Variants in SH3PXD2A observed in about 807,000 individuals in gnomAD.
SH3PXD2A encodes SH3 and PX domain-containing protein 2A.
A neutral mutation model predicts 115.2 loss-of-function variants in SH3PXD2A; 32 were observed. The observed-to-expected ratio is 0.28, with a 90% confidence interval of 0.21 to 0.37. SH3PXD2A has a LOEUF of 0.37. Ranked by LOEUF, SH3PXD2A falls within the 10% of genes least tolerant of loss-of-function variation. The pLI, the probability that SH3PXD2A is intolerant of heterozygous loss-of-function variation, is 1.00. For synonymous variants in SH3PXD2A, 610 were observed against 629.1 expected, an observed-to-expected ratio of 0.97 and a Z score of 0.45; for missense variants, 1,328 against 1,498.7, an observed-to-expected ratio of 0.89 and a Z score of 1.88.
chr10:103,660,264 G>T (rs2037273341), intron 8 of SH3PXD2A, among the ~76,000 whole-genome samples: 1 of 152,118 alleles, frequency 6.6e-6, no homozygotes, highest in African/African-American at 2.4e-5. Flanking sequence ...TGACAGGCTT[G>T]GGCTCTCCTC....
At chr10:103,729,534 G>C (rs2038288763) in intron 4 of SH3PXD2A, among the ~76,000 whole-genome samples, 3 of 152,222 alleles carry the variant, frequency 2.0e-5, no homozygotes, top group African/African-American at 7.2e-5. Flanking sequence ...GCTGAAATGA[G>C]TACGACTTTC....
rs2037388610 is a variant in SH3PXD2A, at chr10:103,666,767, G to C, written c.472+1841C>G. ...GGCTTCAAGTCCTATGGAAATCATA[G>C]ATGGTCATTTTAAAGCAAGTGGAGG... is the stretch of plus-strand genomic sequence containing the variant. On this transcript the variant is annotated intron_variant, in intron 7 of 14. Coordinates refer to ENST00000369774, the MANE Select transcript of SH3PXD2A (RefSeq NM_001394015.1). The surrounding 1 kb of genome is among the most constrained non-coding windows in gnomAD (Gnocchi z 4.5). Among the ~76,000 whole-genome samples, 1 of 152,232 alleles carries C rather than the reference G, an allele frequency of 6.6e-6. No homozygotes were observed. Among genetic ancestry groups the C allele is most frequent in the Non-Finnish European group, 1.5e-5 (1 of 68,042 alleles).
chr10:103,663,628 CCT>C (rs1491006521), intron 7 of SH3PXD2A, among the ~76,000 whole-genome samples: 1 of 152,242 alleles, frequency 6.6e-6, no homozygotes, highest in Non-Finnish European at 1.5e-5. Flanking sequence ...GGACATCCCC[CCT>C]GTGTCCCTAT....
intron 5 of SH3PXD2A, among the ~76,000 whole-genome samples, chr10:103,712,363 A>G (rs1291414539): frequency 6.6e-6 from 1 of 152,148 alleles, no homozygotes; most frequent in Non-Finnish European, 1.5e-5. Context: ...TGGGCCATTC[A>G]TGAGAGAGGG....
At chr10:103,728,880 T>TG (rs1401081226) in intron 4 of SH3PXD2A, among the ~76,000 whole-genome samples, 2 of 135,910 alleles carry the variant, frequency 1.5e-5, no homozygotes, top group Non-Finnish European at 1.6e-5. Context: ...AGAGTTGTTT[T>TG]TTTTGTTTGT....
rs1265736101 is a variant in SH3PXD2A at position 103,603,639 on chromosome 10, G to T, written c.1579C>A (p.Pro527Thr). The change falls in exon 15 of 15, where the codon CCC becomes ACC. Residue 527 changes from proline (P) to threonine (T), a missense_variant. Transcript: ENST00000369774. ...LTRPKVPPPAPPSKPKEAEEG... is the reference protein window; with the variant it reads ...LTRPKVPPPATPSKPKEAEEG... ...TCGGCCTCCTTGGGCTTGCTGGGGGGTGCTGGCGGGGGCACCTTGGGCCGG... is the reference window on the plus strand; with the variant it reads ...TCGGCCTCCTTGGGCTTGCTGGGGGTTGCTGGCGGGGGCACCTTGGGCCGG... 3.1e-6 allele frequency: 5 copies of T among 1,604,770 alleles called. No homozygotes were observed. Among genetic ancestry groups the T allele is most frequent in the Non-Finnish European group, 4.3e-6 (5 of 1,175,740 alleles).
rs551837846 is a variant in SH3PXD2A, at chr10:103,600,211, G to T, written c.*1605C>A. On this transcript the variant is annotated 3_prime_UTR_variant, in exon 15 of 15. Transcript: ENST00000369774. The stretch of plus-strand genomic sequence containing the variant: ...GTGTGGAAATCCACTCCCAGCGAAG[G>T]GGGAGTCCTTGGGGGAAGCCGGCTG... 1 of 152,722 alleles carries T rather than the reference G, an allele frequency of 6.5e-6. No homozygotes were observed. Among genetic ancestry groups the T allele is most frequent in the Non-Finnish European group, 1.5e-5 (1 of 68,084 alleles). The allele number at this position is 152,722 out of a possible 1,614,324, so 9.5% of individuals were successfully genotyped here.
intron 1 of SH3PXD2A, among the ~76,000 whole-genome samples, chr10:103,842,207 G>A (rs1054288521): frequency 2.7e-5 from 1 of 36,808 alleles, no homozygotes; most frequent in Admixed American, 3.8e-4. Context: ...TTTTCCCTAC[G>A]CCATTCAACC....
chr10:103,675,292 AT>A (rs2037518628), intron 6 of SH3PXD2A, among the ~76,000 whole-genome samples: 2 of 152,192 alleles, frequency 1.3e-5, no homozygotes, highest in African/African-American at 2.4e-5. Context: ...GAGAGTCTTC[AT>A]TTTCATTTTG....
chr10:103,647,352 C>G (rs1394516841), intron 8 of SH3PXD2A, among the ~76,000 whole-genome samples: 1 of 152,186 alleles, frequency 6.6e-6, no homozygotes, highest in East Asian at 1.9e-4. Flanking sequence ...GGAACCACTT[C>G]TAGAATGGAT....
chr10:103,805,040 G>A (rs115865424), intron 1 of SH3PXD2A, among the ~76,000 whole-genome samples: 98 of 152,336 alleles, frequency 6.4e-4, no homozygotes, highest in African/African-American at 2.3e-3. Flanking sequence ...CCTGGAGAGA[G>A]GGCTGCATTC....
chr10:103,788,135 A>T (rs963768969), intron 2 of SH3PXD2A, among the ~76,000 whole-genome samples: 3 of 152,182 alleles, frequency 2.0e-5, no homozygotes, highest in African/African-American at 7.2e-5. Context: ...AGGCAGCACC[A>T]ACAATCTCAT....
chr10:103,603,651 G>C lies in SH3PXD2A; in HGVS notation c.1567C>G (p.Pro523Ala). The C allele has an allele frequency of 6.2e-7, 1 of 1,604,380 alleles. No individual in the cohort carries two copies. The highest frequency in any genetic ancestry group is 8.5e-7 in the Non-Finnish European group (1 of 1,175,618). The change falls in exon 15 of 15, where the codon CCC becomes GCC. Residue 523 changes from proline to alanine, a missense_variant. Pro to Ala is a conservative substitution (Grantham distance 27). This residue lies in a region of SH3PXD2A where 509 missense variants were observed against 628.3 expected (regional missense o/e 0.81). Transcript: ENST00000369774. ...GGCTTGCTGGGGGGTGCTGGCGGGGGCACCTTGGGCCGGGTCAGCGTGCTT... is the reference window on the plus strand; with the variant it reads ...GGCTTGCTGGGGGGTGCTGGCGGGGCCACCTTGGGCCGGGTCAGCGTGCTT... Reference protein sequence around the residue: ...RTSTLTRPKVPPPAPPSKPKE... With the variant: ...RTSTLTRPKVAPPAPPSKPKE...
In SH3PXD2A at chr10:103,816,028, G is replaced by A. The variant is rs1378212419; in HGVS notation, c.73-14666C>T. Among the ~76,000 whole-genome samples the A allele has an allele frequency of 2.6e-5, 4 of 152,162 alleles. No individual in the cohort carries two copies. The East Asian group carries it at 5.8e-4, about 22-fold the overall frequency. ...GGGAAAATGGCAGATGTTGGTCAAA[G>A]GATACAAATTTCCAGTATGTAGAGT... is the stretch of plus-strand genomic sequence containing the variant. On this transcript the variant is annotated intron_variant, in intron 1 of 14. Coordinates refer to ENST00000369774, the MANE Select transcript of SH3PXD2A (RefSeq NM_001394015.1).
At chr10:103,612,761 G>T in intron 12 of SH3PXD2A, 92 bp downstream of exon 12, 1 of 819,350 alleles carries the variant, frequency 1.2e-6, no homozygotes, top group Non-Finnish European at 1.9e-6. Flanking sequence ...AACGCCATGG[G>T]GGTCCTGTGC....
intron 8 of SH3PXD2A, among the ~76,000 whole-genome samples, chr10:103,656,307 G>A (rs145855689): frequency 1.7e-4 from 26 of 152,340 alleles, no homozygotes; most frequent in African/African-American, 5.5e-4. Context: ...CTGGACACCC[G>A]ATCTAACGTT....
rs140109201 is a variant in SH3PXD2A at position 103,795,617 on chromosome 10, C to T, written c.153+5665G>A. ...AAACTTACTTCTTCAGGAAGCCTGC[C>T]CTGATCCCAGAGTATAAGGTTTCCC... is the stretch of plus-strand genomic sequence containing the variant. On this transcript the variant is annotated intron_variant, in intron 2 of 14. Coordinates refer to ENST00000369774, the MANE Select transcript of SH3PXD2A (RefSeq NM_001394015.1). 9.3e-3 allele frequency among the ~76,000 whole-genome samples: 1,419 copies of T among 152,228 alleles called. 25 individuals are homozygous for T. Among genetic ancestry groups the T allele is most frequent in the African/African-American group, 0.029 (1,189 of 41,532 alleles).
chr10:103,769,152 G>A (rs1344017906), intron 2 of SH3PXD2A, among the ~76,000 whole-genome samples: 1 of 95,954 alleles, frequency 1.0e-5, no homozygotes, highest in East Asian at 2.5e-4. Context: ...GTGTGTGTGT[G>A]TGTGTGTGTG....
At chr10:103,653,239 G>A (rs572507805) in intron 8 of SH3PXD2A, among the ~76,000 whole-genome samples, 7 of 152,334 alleles carry the variant, frequency 4.6e-5, no homozygotes, top group Middle Eastern at 3.4e-3. Context: ...TAGTCAGCTC[G>A]TACAGATTTA....
Sources: allele counts gnomAD v4.1 joint callset (sites outside exome capture counted in the v4.1 genomes callset), GRCh38; gene constraint gnomAD v4.1.1; regional missense constraint gnomAD v4.1.1; non-coding constraint Gnocchi (gnomAD v3.1); transcripts MANE v1.5; gene names NCBI Gene and HGNC (gene_info 2026-07-23, HGNC 2026-07-21).